HCRTR2: variants seen among roughly 807,000 people sequenced by gnomAD.
HCRTR2 encodes hypocretin receptor 2.
A neutral mutation model predicts 49.0 loss-of-function variants in HCRTR2; 22 were observed. The ratio of observed to expected loss-of-function variants is 0.45; its 90% CI spans 0.32 to 0.64. The LOEUF is 0.64. Among genes scored for constraint, HCRTR2 ranks in the 30% least tolerant of loss-of-function variants. The pLI is 0.04. For synonymous variants in HCRTR2, 236 were observed against 205.3 expected (o/e 1.15, Z -1.28); for missense variants, 491 against 559.4 (o/e 0.88, Z 1.23).
intron 1 of HCRTR2, among the ~76,000 whole-genome samples, chr6:55,245,469 TTATATATATATATATATA>T (rs745939954): frequency 1.2e-4 from 7 of 56,772 alleles, no homozygotes; most frequent in South Asian, 6.6e-4. Flanking sequence ...TAGGAAGATT[TTATATATATATATATATA>T]TATATATATA....
At chr6:55,174,842 G>A (rs1765010654) in intron 1 of HCRTR2, 32 bp downstream of exon 1, 8 of 1,567,284 alleles carry the variant, frequency 5.1e-6, no homozygotes, top group Non-Finnish European at 7.0e-6. Context: ...CCTCCTAGGG[G>A]CTATCACCCC....
chr6:55,279,520 AACACACAC>A (rs34736199), intron 5 of HCRTR2, among the ~76,000 whole-genome samples: 10 of 142,680 alleles, frequency 7.0e-5, no homozygotes, highest in East Asian at 2.1e-4. Context: ...TTCTTGCTGT[AACACACAC>A]ACACACACAC....
chr6:55,126,476 C>T (rs963282603), intron 1 of HCRTR2, among the ~76,000 whole-genome samples: 2 of 152,154 alleles, frequency 1.3e-5, no homozygotes, highest in African/African-American at 2.4e-5. Flanking sequence ...CCTCTGGAAG[C>T]TTCATCCCAG....
chr6:55,184,916 A>C (rs982686498), intron 1 of HCRTR2, among the ~76,000 whole-genome samples: 1 of 152,194 alleles, frequency 6.6e-6, no homozygotes, highest in Non-Finnish European at 1.5e-5. Context: ...AATTTAATTC[A>C]TCAATTCGGA....
chr6:55,164,977 A>AT lies in HCRTR2; in HGVS notation c.-377-9227dup, dbSNP rs564383674. On this transcript the variant is annotated intron_variant, in intron 1 of 7. Coordinates refer to the HCRTR2 transcript ENST00000615358. ...TAAATTCAAAAAAGAAGATGAAATA[A>AT]TTTTTTTAAAAATTCATGCAGAAAT... Among the ~76,000 whole-genome samples the AT allele has an allele frequency of 3.8e-4, 58 of 152,266 alleles. No homozygotes were observed. The South Asian group carries it at 0.011, about 29-fold the overall frequency.
intron 1 of HCRTR2, among the ~76,000 whole-genome samples, chr6:55,195,047 C>T (rs781114928): frequency 1.3e-5 from 2 of 151,620 alleles, no homozygotes; most frequent in Non-Finnish European, 2.9e-5. Flanking sequence ...AAAATGATCA[C>T]CAAACTTACC....
At position 55,149,442 on chromosome 6, in the gene HCRTR2, A is replaced by G. The variant is rs1048791809; in HGVS notation, c.-377-24769A>G. Among the ~76,000 whole-genome samples the G allele has an allele frequency of 3.9e-5, 6 of 152,190 alleles. No homozygotes were observed. The East Asian group carries it at 1.2e-3, about 29-fold the overall frequency. ...TGTGGGTAAAAAGTGAGGTGAGCAA[A>G]TTGCTATTATGATTAATATTTACTG... On this transcript the variant is annotated intron_variant, in intron 1 of 7. Transcript: ENST00000615358.
intron 1 of HCRTR2, among the ~76,000 whole-genome samples, chr6:55,242,386 GGA>G (rs1491507891): frequency 2.3e-5 from 3 of 131,554 alleles, no homozygotes; most frequent in Non-Finnish European, 3.3e-5. Context: ...AGCCCCTGGG[GGA>G]AAAAAAAATC....
intron 1 of HCRTR2, among the ~76,000 whole-genome samples, chr6:55,247,007 C>A (rs535460151): frequency 3.3e-5 from 5 of 151,976 alleles, no homozygotes; most frequent in African/African-American, 1.2e-4. Flanking sequence ...AAGAGTCCTG[C>A]GCATTTTCCT....
intron 1 of HCRTR2, among the ~76,000 whole-genome samples, chr6:55,221,812 C>CA (rs140340337): frequency 0.4 from 50,553 of 127,778 alleles, 10,477 homozygotes; most frequent in Middle Eastern, 0.52. Context: ...GACTCCATCT[C>CA]AAAAAAAAAA....
chr6:55,142,866 A>AT lies in HCRTR2; in HGVS notation c.-377-31342dup, dbSNP rs397821716. On this transcript the variant is annotated intron_variant, in intron 1 of 7. Transcript: ENST00000615358. ...TTAAAAGTGGTCAACAGAAAAAAAA[A>AT]TTTAGGGTGAAGAAATAACATTTTG... is the stretch of plus-strand genomic sequence containing the variant. 1.4e-3 allele frequency among the ~76,000 whole-genome samples: 219 copies of AT among 151,282 alleles called. 2 individuals carry two copies. Among genetic ancestry groups the AT allele is most frequent in the African/African-American group, 5.2e-3 (213 of 41,200 alleles).
intron 1 of HCRTR2, among the ~76,000 whole-genome samples, chr6:55,146,055 C>T (rs1286323205): frequency 6.6e-6 from 1 of 151,918 alleles, no homozygotes; most frequent in Non-Finnish European, 1.5e-5. Flanking sequence ...ATTTTCCAAC[C>T]TAAATTCCAA....
intron 1 of HCRTR2, among the ~76,000 whole-genome samples, chr6:55,241,382 T>C (rs1474379628): frequency 6.6e-6 from 1 of 152,160 alleles, no homozygotes; most frequent in Non-Finnish European, 1.5e-5. Flanking sequence ...GAAGTGACGA[T>C]GGAAGCAGGT....
At chr6:55,192,399 A>G (rs1280639446) in intron 1 of HCRTR2, among the ~76,000 whole-genome samples, 4 of 76,428 alleles carry the variant, frequency 5.2e-5, no homozygotes, top group African/African-American at 1.9e-4. Context: ...AAACACACAC[A>G]CACGCGCGCG....
intron 3 of HCRTR2, among the ~76,000 whole-genome samples, chr6:55,259,746 CTT>C (rs1455197724): frequency 2.6e-5 from 4 of 151,728 alleles, no homozygotes; most frequent in African/African-American, 7.3e-5. Flanking sequence ...ATATTTAAAA[CTT>C]TTTTAAATTA....
chr6:55,156,117 T>C (rs941950744), intron 1 of HCRTR2, among the ~76,000 whole-genome samples: 1 of 151,688 alleles, frequency 6.6e-6, no homozygotes, highest in African/African-American at 2.4e-5. Context: ...AATAATATTA[T>C]TGTTACATTA....
intron 1 of HCRTR2, among the ~76,000 whole-genome samples, chr6:55,231,080 A>G (rs1019163772): frequency 1.3e-5 from 2 of 152,136 alleles, no homozygotes; most frequent in African/African-American, 4.8e-5. Flanking sequence ...GCACTAGGAA[A>G]GATACACAGT....
At chr6:55,131,520 G>A (rs1292070504) in intron 1 of HCRTR2, among the ~76,000 whole-genome samples, 1 of 151,624 alleles carries the variant, frequency 6.6e-6, no homozygotes, top group Non-Finnish European at 1.5e-5. Flanking sequence ...AAGGATAATA[G>A]CTATGAAATA....
At chr6:55,198,204 C>T (rs961542667) in intron 1 of HCRTR2, among the ~76,000 whole-genome samples, 8 of 152,080 alleles carry the variant, frequency 5.3e-5, no homozygotes, top group African/African-American at 1.9e-4. Context: ...GTATCTCTAC[C>T]CCATCACTGA....
Sources: gnomAD v4.1 joint callset for allele counts (sites outside exome capture counted in the v4.1 genomes callset) on GRCh38, gnomAD v4.1.1 for gene constraint, MANE v1.5 for transcripts, NCBI Gene and HGNC (gene_info 2026-07-23, HGNC 2026-07-21) for gene names.